KIRREL3: variants seen among roughly 807,000 people sequenced by gnomAD.
KIRREL3 encodes the protein kirre like nephrin family adhesion molecule 3.
KIRREL3 carries 36 observed loss-of-function variants against 89.7 expected under a neutral mutation model. The ratio of observed to expected loss-of-function variants is 0.40; its 90% CI spans 0.31 to 0.53. The LOEUF is 0.53. KIRREL3 is among the 20% of genes least tolerant of loss of function. The probability of loss-of-function intolerance (pLI) is 0.49; values close to 1 mark genes in which losing one functional copy is unlikely to be tolerated. For missense variants in KIRREL3, 864 were observed against 1,056.6 expected (o/e 0.82, Z 2.53); for synonymous variants, 445 against 441.4 (o/e 1.01, Z -0.10).
rs1316059192 is a variant in KIRREL3, at chr11:126,697,757, A to G, written c.56-134845T>C. Among the ~76,000 whole-genome samples the G allele has an allele frequency of 1.3e-5, 2 of 152,224 alleles. No individual in the cohort carries two copies. The highest frequency in any genetic ancestry group is 2.4e-5 in the African/African-American group (1 of 41,458). On this transcript the variant is annotated intron_variant, in intron 1 of 16. Coordinates refer to ENST00000525144, the MANE Select transcript of KIRREL3 (RefSeq NM_032531.4). This position sits in a 1 kb window ranked among gnomAD's most constrained non-coding sequence, Gnocchi z 4.2. ...CTCCCGGGGCCTCCGGGTGGGTCCC[A>G]TGATTGCTCTGATCACCTCCCTATT...
upstream of KIRREL3, among the ~76,000 whole-genome samples, chr11:127,002,574 A>C (rs1215074138): frequency 1.3e-5 from 2 of 152,210 alleles, no homozygotes; most frequent in Non-Finnish European, 2.9e-5. Context: ...AAATAACTCT[A>C]TGTATAGCGC....
chr11:126,504,265 G>C lies in KIRREL3; in HGVS notation c.433+17050C>G, dbSNP rs574855508. Among the ~76,000 whole-genome samples, 6 of 152,222 alleles carry C rather than the reference G, an allele frequency of 3.9e-5. No homozygotes were observed. In the South Asian group the frequency reaches 1.0e-3, roughly 26 times the overall value. ...ATCTCTTCTCTGTATTACTGCAAGA[G>C]CCTCTTAACAGAGGCTCTTGTCTTC... On this transcript the variant is annotated intron_variant, in intron 4 of 16. Transcript: ENST00000525144.
At chr11:126,547,644 C>T (rs1017134358) in intron 2 of KIRREL3, among the ~76,000 whole-genome samples, 2 of 152,172 alleles carry the variant, frequency 1.3e-5, no homozygotes, top group African/African-American at 2.4e-5. Flanking sequence ...ATATTAGGCA[C>T]AGTCAGCCCA....
Position 126,541,988 on chromosome 11 carries a change from C to T in KIRREL3, c.134-15301G>A, listed in dbSNP as rs1043688508. ...AGAGCTGAGGCAGCGCGGGAAGGAC[C>T]GAGTCCTGCCCTCGGCAGCCCTGCA... On this transcript the variant is annotated intron_variant, in intron 2 of 16. Transcript: ENST00000525144. The surrounding 1 kb of genome is among the most constrained non-coding windows in gnomAD (Gnocchi z 4.8). Among the ~76,000 whole-genome samples, 16 of 152,342 alleles carry T rather than the reference C, an allele frequency of 1.1e-4. No individual in the cohort carries two copies. Among genetic ancestry groups the T allele is most frequent in the African/African-American group, 2.6e-4 (11 of 41,590 alleles).
chr11:126,429,372 G>A lies in KIRREL3; in HGVS notation c.1697-84C>T. 1 of 909,666 alleles carries A rather than the reference G, an allele frequency of 1.1e-6. No individual in the cohort carries two copies. The highest frequency in any genetic ancestry group is 1.6e-5 in the African/African-American group (1 of 61,336). The allele number at this position is 909,666 out of a possible 1,614,324, so 56.3% of individuals were successfully genotyped here. Reference sequence around the variant, plus strand: ...AGCTCCCTTGCAGTCCCCTGCCCCTGCCCTGCCACCCTCTGCATTTCCCCT... The same window carrying A: ...AGCTCCCTTGCAGTCCCCTGCCCCTACCCTGCCACCCTCTGCATTTCCCCT... On this transcript the variant is annotated intron_variant, in intron 14 of 16. Coordinates refer to ENST00000525144, the MANE Select transcript of KIRREL3 (RefSeq NM_032531.4). This position sits in a 1 kb window ranked among gnomAD's most constrained non-coding sequence, Gnocchi z 5.2.
In KIRREL3 at chr11:126,528,764, A is replaced by G. The variant is rs1343420078; in HGVS notation, c.134-2077T>C. Among the ~76,000 whole-genome samples the G allele has an allele frequency of 6.8e-6, 1 of 147,408 alleles. No individual in the cohort carries two copies. The highest frequency in any genetic ancestry group is 1.5e-5 in the Non-Finnish European group (1 of 66,914). On this transcript the variant is annotated intron_variant, in intron 2 of 16. Coordinates refer to ENST00000525144, the MANE Select transcript of KIRREL3 (RefSeq NM_032531.4). This position sits in a 1 kb window ranked among gnomAD's most constrained non-coding sequence, Gnocchi z 4.6. ...GGGAGAGGAGGGAGGGACTGGAGAG[A>G]GAGCAAAGGAGTGAAGTGAGGACGT...
intron 4 of KIRREL3, among the ~76,000 whole-genome samples, chr11:126,509,991 CAAAAAAAAAA>C (rs58061522): frequency 1.3e-4 from 8 of 62,062 alleles, no homozygotes; most frequent in Admixed American, 2.2e-4. Flanking sequence ...GACTCCGTCT[CAAAAAAAAAA>C]AAAAAAAAAA....
At chr11:126,949,472 G>T (rs1435580310) in intron 1 of KIRREL3, among the ~76,000 whole-genome samples, 1 of 152,180 alleles carries the variant, frequency 6.6e-6, no homozygotes, top group Non-Finnish European at 1.5e-5. Flanking sequence ...TCATGCACAT[G>T]CCCCTCCCCA....
In KIRREL3 at chr11:126,459,797, G is replaced by C. The variant is rs988383757; in HGVS notation, c.743-3343C>G. Among the ~76,000 whole-genome samples the C allele has an allele frequency of 1.3e-5, 2 of 152,142 alleles. No homozygotes were observed. The highest frequency in any genetic ancestry group is 2.9e-5 in the Non-Finnish European group (2 of 68,032). ...GGGTGGGAAAAGAGAGAATCTTCAT[G>C]ACTCAGTGATTTTGTAGCACATTCA... is the stretch of plus-strand genomic sequence containing the variant. On this transcript the variant is annotated intron_variant, in intron 6 of 16. Coordinates refer to ENST00000525144, the MANE Select transcript of KIRREL3 (RefSeq NM_032531.4). The surrounding 1 kb of genome is among the most constrained non-coding windows in gnomAD (Gnocchi z 4.8).
rs1354658213 is a variant in KIRREL3 at position 126,628,973 on chromosome 11, T to C, written c.56-66061A>G. On this transcript the variant is annotated intron_variant, in intron 1 of 16. Transcript: ENST00000525144. This position sits in a 1 kb window ranked among gnomAD's most constrained non-coding sequence, Gnocchi z 5.2. ...TGATAATGAGCATTTAAAGGGCACG[T>C]CCTAATGAAGGGAGCCAGGAATGAC... 6.6e-6 allele frequency among the ~76,000 whole-genome samples: 1 copy of C among 152,176 alleles called. No homozygotes were observed. The highest frequency in any genetic ancestry group is 1.5e-5 in the Non-Finnish European group (1 of 68,032).
intron 1 of KIRREL3, among the ~76,000 whole-genome samples, chr11:126,932,211 G>T (rs957349465): frequency 6.6e-6 from 1 of 152,200 alleles, no homozygotes; most frequent in Non-Finnish European, 1.5e-5. Flanking sequence ...GGACATGCAC[G>T]TGAAAGGAGC....
At chr11:126,503,649 C>T (rs1957932822) in intron 4 of KIRREL3, among the ~76,000 whole-genome samples, 1 of 152,138 alleles carries the variant, frequency 6.6e-6, no homozygotes, top group Non-Finnish European at 1.5e-5. Flanking sequence ...GCAACTCTAA[C>T]CTCCATTGTG....
In KIRREL3 at chr11:126,561,962, G is replaced by T. The variant is rs904365806; in HGVS notation, c.133+873C>A. Among the ~76,000 whole-genome samples the T allele has an allele frequency of 1.3e-5, 2 of 152,354 alleles. No individual in the cohort carries two copies. Among genetic ancestry groups the T allele is most frequent in the African/African-American group, 4.8e-5 (2 of 41,588 alleles). ...AGCTTCCTCCTTCTTGCTGGAATGG[G>T]AATGAGGAGACATGGGCCCTGGGCC... is the stretch of plus-strand genomic sequence containing the variant. On this transcript the variant is annotated intron_variant, in intron 2 of 16. Coordinates refer to ENST00000525144, the MANE Select transcript of KIRREL3 (RefSeq NM_032531.4). This position sits in a 1 kb window ranked among gnomAD's most constrained non-coding sequence, Gnocchi z 4.5.
chr11:126,549,298 A>G (rs545111665), intron 2 of KIRREL3: 1 of 152,326 alleles, frequency 6.6e-6, no homozygotes, highest in Non-Finnish European at 1.5e-5. Context: ...ATAGAAACGA[A>G]TACATTTCAG....
In KIRREL3 at chr11:126,684,820, G is replaced by A. The variant is rs1284142954; in HGVS notation, c.56-121908C>T. Among the ~76,000 whole-genome samples the A allele has an allele frequency of 6.6e-6, 1 of 152,172 alleles. No homozygotes were observed. Among genetic ancestry groups the A allele is most frequent in the Admixed American group, 6.5e-5 (1 of 15,282 alleles). ...GGTGCGGCAGGTTGCGTGTGCGGGA[G>A]GGGAGAGGTAGTGTTGGCTTGGACC... On this transcript the variant is annotated intron_variant, in intron 1 of 16. Coordinates refer to ENST00000525144, the MANE Select transcript of KIRREL3 (RefSeq NM_032531.4). The surrounding 1 kb of genome is among the most constrained non-coding windows in gnomAD (Gnocchi z 4.2).
At chr11:126,809,029 G>A (rs1951294394) in intron 1 of KIRREL3, among the ~76,000 whole-genome samples, 1 of 152,094 alleles carries the variant, frequency 6.6e-6, no homozygotes, top group Admixed American at 6.5e-5. Context: ...AAAAAAACAG[G>A]CAAGGAGCCA....
rs1957290283 is a variant in KIRREL3 at position 126,484,130 on chromosome 11, T to C, written c.434-10664A>G. Among the ~76,000 whole-genome samples, 2 of 152,174 alleles carry C rather than the reference T, an allele frequency of 1.3e-5. No homozygotes were observed. Among genetic ancestry groups the C allele is most frequent in the Non-Finnish European group, 2.9e-5 (2 of 68,028 alleles). ...ATAGTGAGCACTTAATAAATACTTG[T>C]TGCCTGGTGCCTTGCCTGATCCCAC... On this transcript the variant is annotated intron_variant, in intron 4 of 16. Transcript: ENST00000525144. The surrounding 1 kb of genome is among the most constrained non-coding windows in gnomAD (Gnocchi z 5.2).
chr11:126,577,788 G>A (rs776913959), intron 1 of KIRREL3, among the ~76,000 whole-genome samples: 1 of 151,504 alleles, frequency 6.6e-6, no homozygotes, highest in African/African-American at 2.4e-5. Context: ...GACACTAACC[G>A]TCCTTTCTCT....
At position 126,440,532 on chromosome 11, in the gene KIRREL3, T is replaced by C. The variant is rs1182512631; in HGVS notation, c.1270A>G (p.Ser424Gly). Residue 424 changes from serine to glycine, a missense_variant, in exon 11 of 17, where the codon AGC becomes GGC. Ser to Gly is a moderately conservative substitution (Grantham distance 56). Coordinates refer to ENST00000525144, the MANE Select transcript of KIRREL3 (RefSeq NM_032531.4). ...TGGAGGGCGTGCTGGGTCTGGGTGC[T>C]GGAGATGATGGGGGGTCCTGTTGAG... ...LTVNGPPIIS[S>G]TQTQHALHGE... is the part of the protein sequence containing the mutation. The C allele has an allele frequency of 6.2e-7, 1 of 1,600,006 alleles. No homozygotes were observed. Among genetic ancestry groups the C allele is most frequent in the East Asian group, 2.3e-5 (1 of 44,244 alleles).
Sources: gnomAD v4.1 joint callset for allele counts (sites outside exome capture counted in the v4.1 genomes callset) on GRCh38, gnomAD v4.1.1 for gene constraint, Gnocchi (gnomAD v3.1) non-coding constraint, MANE v1.5 for transcripts, NCBI Gene and HGNC (gene_info 2026-07-23, HGNC 2026-07-21) for gene names.